Variants in FAM118B observed in about 807,000 individuals in gnomAD.
FAM118B encodes protein FAM118B.
FAM118B carries 24 observed loss-of-function variants against 38.5 expected under a neutral mutation model. That is an observed-to-expected ratio of 0.62 (90% CI 0.45 to 0.88). The LOEUF (loss-of-function observed/expected upper bound fraction) is 0.88, where lower values mean the gene tolerates loss of function less well. Among genes scored for constraint, FAM118B ranks in the 40% least tolerant of loss-of-function variants. The probability of loss-of-function intolerance (pLI) is 0.00; values close to 1 mark genes in which losing one functional copy is unlikely to be tolerated. For synonymous variants in FAM118B, 138 were observed against 156.3 expected, an observed-to-expected ratio of 0.88 and a Z score of 0.87; for missense variants, 334 against 420.0, an observed-to-expected ratio of 0.80 and a Z score of 1.79.
At chr11:126,249,606 C>G (rs2135196376) in intron 4 of FAM118B, among the ~76,000 whole-genome samples, 1 of 152,060 alleles carries the variant, frequency 6.6e-6, no homozygotes, top group Middle Eastern at 3.4e-3. Context: ...TGGCAGGCGC[C>G]TGTAATCCCA....
At chr11:126,226,943 C>T (rs1004754851) in intron 1 of FAM118B, among the ~76,000 whole-genome samples, 7 of 85,254 alleles carry the variant, frequency 8.2e-5, no homozygotes, top group Non-Finnish European at 1.2e-4. Flanking sequence ...AACAGTGAGA[C>T]CCCGTCCAAA....
intron 3 of FAM118B, among the ~76,000 whole-genome samples, chr11:126,239,818 T>C (rs1950332232): frequency 6.6e-6 from 1 of 152,072 alleles, no homozygotes; most frequent in South Asian, 2.1e-4. Flanking sequence ...CTGGCCTCGG[T>C]TTTTCATATT....
intron 4 of FAM118B, among the ~76,000 whole-genome samples, chr11:126,247,863 A>G (rs1344445692): frequency 1.4e-5 from 2 of 146,276 alleles, no homozygotes; most frequent in East Asian, 3.9e-4. Flanking sequence ...ATCTCAAAAA[A>G]AAAATATATA....
intron 1 of FAM118B, among the ~76,000 whole-genome samples, chr11:126,216,477 G>A (rs547156523): frequency 6.6e-6 from 1 of 152,160 alleles, no homozygotes; most frequent in African/African-American, 2.4e-5. Flanking sequence ...CTTTTCCTCT[G>A]TCTTTACAGT....
rs187193526 is a variant in FAM118B, at chr11:126,257,491, A to G, written c.982+639A>G. On this transcript the variant is annotated intron_variant, in intron 7 of 8. Transcript: ENST00000533050. The stretch of plus-strand genomic sequence containing the variant: ...TTAATTGATGAAATACAATGAAACC[A>G]TAGAAGGGAAAGTGTTTTCATTGCC... Among the ~76,000 whole-genome samples, 535 of 152,224 alleles carry G rather than the reference A, an allele frequency of 3.5e-3. 2 individuals carry two copies. Among genetic ancestry groups the G allele is most frequent in the Middle Eastern group, 0.014 (4 of 294 alleles).
At position 126,226,946 on chromosome 11, in the gene FAM118B, C is replaced by T. The variant is rs561037330; in HGVS notation, c.-76-2279C>T. 2.8e-3 allele frequency among the ~76,000 whole-genome samples: 228 copies of T among 81,746 alleles called. 4 individuals carry two copies. The highest frequency in any genetic ancestry group is 1.7e-3 in the Non-Finnish European group (67 of 40,128). 53.6% of individuals were successfully genotyped at this position (81,746 alleles called of 152,430 possible). On this transcript the variant is annotated intron_variant, in intron 1 of 8. Transcript: ENST00000533050. ...TCATGCCTGGGCAACAGTGAGACCC[C>T]GTCCAAAAAAAAAAAAAAACACCTA... is the stretch of plus-strand genomic sequence containing the variant.
chr11:126,244,610 C>G lies in FAM118B; in HGVS notation c.339+3566C>G, dbSNP rs1303316755. Among the ~76,000 whole-genome samples, 2 of 152,136 alleles carry G rather than the reference C, an allele frequency of 1.3e-5. No homozygotes were observed. Among genetic ancestry groups the G allele is most frequent in the Non-Finnish European group, 2.9e-5 (2 of 68,026 alleles). The stretch of plus-strand genomic sequence containing the variant: ...CCTGAGGTCGGGAGGTAGAGACCAG[C>G]CTGGCCAACATGGTGAAACCCCGTC... On this transcript the variant is annotated intron_variant, in intron 4 of 8. Transcript: ENST00000533050. This position sits in a 1 kb window ranked among gnomAD's most constrained non-coding sequence, Gnocchi z 4.5.
At position 126,255,267 on chromosome 11, in the gene FAM118B, C is replaced by T. The variant is rs893085379; in HGVS notation, c.696+834C>T. Among the ~76,000 whole-genome samples, 1 of 152,172 alleles carries T rather than the reference C, an allele frequency of 6.6e-6. No individual in the cohort carries two copies. The highest frequency in any genetic ancestry group is 2.4e-5 in the African/African-American group (1 of 41,446). ...TTCAAACCAGAAGTATTCGCTGCCC[C>T]CAGCTCTAAGAATCTTGTTTGCTGT... is the stretch of plus-strand genomic sequence containing the variant. On this transcript the variant is annotated intron_variant, in intron 6 of 8. Transcript: ENST00000533050. The surrounding 1 kb of genome is among the most constrained non-coding windows in gnomAD (Gnocchi z 4.6).
At chr11:126,237,856 CAAAAAAA>C (rs1279296349) in intron 3 of FAM118B, among the ~76,000 whole-genome samples, 2 of 60,030 alleles carry the variant, frequency 3.3e-5, no homozygotes, top group Admixed American at 1.8e-4. Context: ...ACTCCGTCTC[CAAAAAAA>C]AAAAAAAAAA....
chr11:126,230,182 T>C (rs1950190553), intron 2 of FAM118B, among the ~76,000 whole-genome samples: 1 of 152,224 alleles, frequency 6.6e-6, no homozygotes, highest in South Asian at 2.1e-4. Flanking sequence ...GTTTGCTTTA[T>C]CCACTGATGG....
At chr11:126,224,938 T>C (rs1950120607) in intron 1 of FAM118B, among the ~76,000 whole-genome samples, 1 of 152,256 alleles carries the variant, frequency 6.6e-6, no homozygotes, top group African/African-American at 2.4e-5. Context: ...CCCAGACTCA[T>C]GTCTTAACTC....
In FAM118B at chr11:126,244,758, C is replaced by T. The variant is rs557821796; in HGVS notation, c.339+3714C>T. Among the ~76,000 whole-genome samples, 2 of 152,140 alleles carry T rather than the reference C, an allele frequency of 1.3e-5. No homozygotes were observed. Among genetic ancestry groups the T allele is most frequent in the Non-Finnish European group, 1.5e-5 (1 of 67,998 alleles). ...GCAGAGGTTGCAGCGAGCCAGGATCCCTCCACTGCACTCCAGCCTGGGCAA... is the reference window on the plus strand; with the variant it reads ...GCAGAGGTTGCAGCGAGCCAGGATCTCTCCACTGCACTCCAGCCTGGGCAA... On this transcript the variant is annotated intron_variant, in intron 4 of 8. Coordinates refer to ENST00000533050, the MANE Select transcript of FAM118B (RefSeq NM_024556.4). This position sits in a 1 kb window ranked among gnomAD's most constrained non-coding sequence, Gnocchi z 4.5.
intron 1 of FAM118B, among the ~76,000 whole-genome samples, chr11:126,219,474 C>T (rs1950033709): frequency 6.8e-6 from 1 of 147,870 alleles, no homozygotes; most frequent in Non-Finnish European, 1.5e-5. Flanking sequence ...AGCAATCCTC[C>T]CACCTCAGCC....
In FAM118B at chr11:126,253,746, G is replaced by A. The variant is rs189756505; in HGVS notation, c.568-559G>A. ...GGACCATACTTCCCTGCAAGCAATT[G>A]GCCAGGCCATATATGTCCCAGCAGG... On this transcript the variant is annotated intron_variant, in intron 5 of 8. Transcript: ENST00000533050. This position sits in a 1 kb window ranked among gnomAD's most constrained non-coding sequence, Gnocchi z 5.1. Among the ~76,000 whole-genome samples the A allele has an allele frequency of 3.9e-5, 6 of 152,282 alleles. No individual in the cohort carries two copies. In the East Asian group the frequency reaches 9.7e-4, roughly 25 times the overall value.
chr11:126,245,361 G>A (rs1350328814), intron 4 of FAM118B: 1 of 152,126 alleles, frequency 6.6e-6, no homozygotes, highest in Non-Finnish European at 1.5e-5. Context: ...GAACAAAGTA[G>A]GGAGACTCAA....
Position 126,262,191 on chromosome 11 carries a change from T to C in FAM118B, c.*58T>C, listed in dbSNP as rs1950715458. ...AGCTGTAAGGCCCTACTACAGACAG[T>C]GTTTAACAAGTAAACTTACAAGAAC... On this transcript the variant is annotated 3_prime_UTR_variant, in exon 9 of 9. Coordinates refer to ENST00000533050, the MANE Select transcript of FAM118B (RefSeq NM_024556.4). 3 of 1,581,828 alleles carry C rather than the reference T, an allele frequency of 1.9e-6. No individual in the cohort carries two copies. Among genetic ancestry groups the C allele is most frequent in the East Asian group, 2.2e-5 (1 of 44,740 alleles).
intron 1 of FAM118B, chr11:126,214,515 T>TTTTTTTTTTTTTTTTTTTC (rs1949952479): frequency 2.3e-5 from 1 of 43,416 alleles, no homozygotes; most frequent in Non-Finnish European, 4.9e-5. Context: ...TTTTTTTTTG[T>TTTTTTTTTTTTTTTTTTTC]TTTTTTTTTT....
rs1309346873 is a variant in FAM118B, at chr11:126,253,237, C to T, written c.568-1068C>T. 6.6e-6 allele frequency among the ~76,000 whole-genome samples: 1 copy of T among 152,116 alleles called. No homozygotes were observed. Among genetic ancestry groups the T allele is most frequent in the Non-Finnish European group, 1.5e-5 (1 of 68,032 alleles). ...CAAGATTTGCATTGTATTTTCAGCC[C>T]ACATTAGGGGCAGTGTTGCAGTCTA... On this transcript the variant is annotated intron_variant, in intron 5 of 8. Transcript: ENST00000533050. This position sits in a 1 kb window ranked among gnomAD's most constrained non-coding sequence, Gnocchi z 5.1.
intron 1 of FAM118B, among the ~76,000 whole-genome samples, chr11:126,219,184 G>A (rs1399220196): frequency 6.6e-6 from 1 of 151,898 alleles, no homozygotes; most frequent in African/African-American, 2.4e-5. Flanking sequence ...CATTTTAATA[G>A]CGTACTTTGA....
Sources: allele counts gnomAD v4.1 joint callset (sites outside exome capture counted in the v4.1 genomes callset), GRCh38; gene constraint gnomAD v4.1.1; non-coding constraint Gnocchi (gnomAD v3.1); transcripts MANE v1.5; gene names NCBI Gene and HGNC (gene_info 2026-07-23, HGNC 2026-07-21).